The following SH3RF3 variants were observed in gnomAD, a reference collection of about 807,000 sequenced individuals.
The protein encoded by SH3RF3 is SH3 domain containing ring finger 3.
A neutral mutation model predicts 66.3 loss-of-function variants in SH3RF3; 29 were observed. The ratio of observed to expected loss-of-function variants is 0.44; its 90% confidence interval spans 0.33 to 0.60. The LOEUF is 0.60. Ranked by LOEUF, SH3RF3 falls within the 20% of genes least tolerant of loss-of-function variation. The probability of loss-of-function intolerance (pLI) is 0.04; values close to 1 mark genes in which losing one functional copy is unlikely to be tolerated. For synonymous variants in SH3RF3, 583 were observed against 532.0 expected (o/e 1.10, Z -1.32); for missense variants, 1,194 against 1,190.9 (o/e 1.00, Z -0.04).
chr2:109,378,415 C>T (rs1025053255), intron 3 of SH3RF3, among the ~76,000 whole-genome samples: 17 of 152,176 alleles, frequency 1.1e-4, no homozygotes, highest in African/African-American at 3.1e-4. Flanking sequence ...CCACCTGAGA[C>T]GGGGTTGGAA....
chr2:109,149,054 C>T (rs1428406002), intron 1 of SH3RF3, among the ~76,000 whole-genome samples: 1 of 152,162 alleles, frequency 6.6e-6, no homozygotes, highest in Non-Finnish European at 1.5e-5. Flanking sequence ...TTGCTCTTTC[C>T]TTCCTTCAGA....
At chr2:109,289,944 G>C (rs1405184793) in intron 1 of SH3RF3, among the ~76,000 whole-genome samples, 1 of 152,132 alleles carries the variant, frequency 6.6e-6, no homozygotes, top group African/African-American at 2.4e-5. Flanking sequence ...AAGCCTATGG[G>C]GCTCTTGGAG....
chr2:109,379,482 G>A (rs1462072835), intron 3 of SH3RF3, among the ~76,000 whole-genome samples: 1 of 152,220 alleles, frequency 6.6e-6, no homozygotes, highest in Admixed American at 6.5e-5. Context: ...GACAGATGTG[G>A]CCGCTGCTTC....
intron 4 of SH3RF3, among the ~76,000 whole-genome samples, chr2:109,400,941 C>T (rs1040513905): frequency 6.6e-6 from 1 of 152,236 alleles, no homozygotes; most frequent in Non-Finnish European, 1.5e-5. Flanking sequence ...CCTAACTCCA[C>T]TCCTGACCTG....
chr2:109,314,377 T>C (rs1337056711), intron 1 of SH3RF3, among the ~76,000 whole-genome samples: 1 of 152,202 alleles, frequency 6.6e-6, no homozygotes, highest in East Asian at 1.9e-4. Context: ...GTGAATCCCA[T>C]AGATCTTATA....
At chr2:109,288,668 AC>A (rs1241044679) in intron 1 of SH3RF3, among the ~76,000 whole-genome samples, 1 of 152,270 alleles carries the variant, frequency 6.6e-6, no homozygotes, top group Non-Finnish European at 1.5e-5. Flanking sequence ...TCACTCAATT[AC>A]GTTTTTTTCT....
intron 3 of SH3RF3, among the ~76,000 whole-genome samples, chr2:109,397,890 C>T (rs1236960644): frequency 1.3e-5 from 2 of 152,240 alleles, no homozygotes; most frequent in African/African-American, 2.4e-5. Flanking sequence ...CTCTTCACTG[C>T]GCACAACGCC....
intron 3 of SH3RF3, among the ~76,000 whole-genome samples, chr2:109,395,213 T>G (rs1676109612): frequency 6.6e-6 from 1 of 152,158 alleles, no homozygotes; most frequent in Non-Finnish European, 1.5e-5. Flanking sequence ...TGGTCCCCAG[T>G]GGTGGGTGGA....
intron 8 of SH3RF3, among the ~76,000 whole-genome samples, chr2:109,452,642 A>G (rs1489505378): frequency 2.6e-5 from 4 of 152,114 alleles, no homozygotes; most frequent in African/African-American, 7.2e-5. Context: ...GTGTGTGGAG[A>G]AGGAAGAAGC....
At chr2:109,401,783 G>A (rs1189102444) in intron 4 of SH3RF3, among the ~76,000 whole-genome samples, 2 of 152,188 alleles carry the variant, frequency 1.3e-5, no homozygotes, top group Non-Finnish European at 2.9e-5. Flanking sequence ...TGGCCTCCGT[G>A]TTAAAACAAG....
chr2:109,308,179 A>G (rs1055364111), intron 1 of SH3RF3, among the ~76,000 whole-genome samples: 1 of 136,292 alleles, frequency 7.3e-6, no homozygotes, highest in African/African-American at 3.2e-5. Context: ...GCCAGTGATG[A>G]TGAGCATTTT....
chr2:109,405,492 C>A (rs952620070), intron 4 of SH3RF3, among the ~76,000 whole-genome samples: 1 of 152,124 alleles, frequency 6.6e-6, no homozygotes, highest in African/African-American at 2.4e-5. Context: ...CAGATCTTCT[C>A]CCTGCGCACC....
chr2:109,251,420 C>T, intron 1 of SH3RF3: 1 of 705,114 alleles, frequency 1.4e-6, no homozygotes, highest in South Asian at 1.4e-5. Flanking sequence ...GGAGTAGACA[C>T]CATGAGCAAA....
chr2:109,445,431 C>A (rs1262651843), intron 7 of SH3RF3, among the ~76,000 whole-genome samples: 1 of 152,056 alleles, frequency 6.6e-6, no homozygotes, highest in Non-Finnish European at 1.5e-5. Context: ...ACAAAACCTG[C>A]CAGAGGGCAG....
intron 1 of SH3RF3, among the ~76,000 whole-genome samples, chr2:109,171,492 A>G (rs962059929): frequency 2.0e-5 from 3 of 152,298 alleles, no homozygotes; most frequent in African/African-American, 7.2e-5. Flanking sequence ...CCGACCCCTC[A>G]CTGCTGCTGG....
intron 1 of SH3RF3, among the ~76,000 whole-genome samples, chr2:109,268,124 C>T (rs532349539): frequency 6.6e-6 from 1 of 152,038 alleles, no homozygotes; most frequent in Non-Finnish European, 1.5e-5. Context: ...TGGGTGGCTC[C>T]ACTCACCTCC....
Position 109,490,778 on chromosome 2 carries a change from G to C in SH3RF3, c.2322G>C (p.Gly774=). The change falls in exon 9 of 10, where the codon GGG becomes GGC. Residue 774 remains glycine, a synonymous_variant. Transcript: ENST00000309415. ...VSSLSIHGRA[G]SCPIESEMQG... is the part of the protein sequence containing the mutation. ...CACTGTCCATCCACGGCAGGGCAGG[G>C]TCCTGCCCCATAGAGAGCGAGATGC... 6.5e-7 allele frequency: 1 copy of C among 1,536,936 alleles called. No individual in the cohort carries two copies. The highest frequency in any genetic ancestry group is 8.7e-7 in the Non-Finnish European group (1 of 1,146,770).
intron 1 of SH3RF3, among the ~76,000 whole-genome samples, chr2:109,198,906 G>A (rs535327756): frequency 5.3e-5 from 8 of 152,294 alleles, no homozygotes; most frequent in East Asian, 1.9e-4. Flanking sequence ...AAATGTTTGC[G>A]TAGCTAAATG....
chr2:109,223,955 T>C (rs1679313297), intron 1 of SH3RF3, among the ~76,000 whole-genome samples: 1 of 152,180 alleles, frequency 6.6e-6, no homozygotes, highest in Admixed American at 6.5e-5. Flanking sequence ...TGAGCCATGA[T>C]TGTGCCACTG....
Sources: gnomAD v4.1 joint callset for allele counts (sites outside exome capture counted in the v4.1 genomes callset) on GRCh38, gnomAD v4.1.1 for gene constraint, MANE v1.5 for transcripts, NCBI Gene and HGNC (gene_info 2026-07-23, HGNC 2026-07-21) for gene names.